Variants in POLR3E observed in about 807,000 individuals in gnomAD.
The protein encoded by POLR3E is RNA polymerase III subunit E, also known as DNA-directed RNA polymerase III subunit RPC5.
Under a neutral mutation model 96.6 loss-of-function variants are expected in POLR3E, and 41 were observed. The ratio of observed to expected loss-of-function variants is 0.42; its 90% confidence interval spans 0.33 to 0.55. The LOEUF is 0.55. Ranked by LOEUF, POLR3E falls within the 20% of genes least tolerant of loss-of-function variation. The pLI, the probability that POLR3E is intolerant of heterozygous loss-of-function variation, is 0.06. For synonymous variants in POLR3E, 396 were observed against 383.6 expected, an observed-to-expected ratio of 1.03 and a Z score of -0.38; for missense variants, 849 against 952.1, an observed-to-expected ratio of 0.89 and a Z score of 1.43.
Position 22,309,466 on chromosome 16 carries a change from C to T in POLR3E, c.320C>T (p.Thr107Ile), listed in dbSNP as rs2048200160. 1 of 1,613,944 alleles carries T rather than the reference C, an allele frequency of 6.2e-7. No individual in the cohort carries two copies. Among genetic ancestry groups the T allele is most frequent in the Non-Finnish European group, 8.5e-7 (1 of 1,179,934 alleles). The change falls in exon 6 of 21, where the codon ACC becomes ATC. Residue 107 changes from threonine to isoleucine, a missense_variant. Coordinates refer to ENST00000299853, the MANE Select transcript of POLR3E (RefSeq NM_018119.4). ...AAGCAGACCTTCTGCTCTTCCCAGA[C>T]CACCAGTAACACATCCCGTTATGCC... is the stretch of plus-strand genomic sequence containing the variant. ...MDKQTFCSSQ[T>I]TSNTSRYAAA...
intron 5 of POLR3E, 74 bp downstream of exon 5, chr16:22,309,114 T>G: frequency 9.6e-7 from 1 of 1,038,834 alleles, no homozygotes; most frequent in South Asian, 1.4e-5. Flanking sequence ...TTAAAGACAT[T>G]GACCCCCTTT....
intron 1 of POLR3E, among the ~76,000 whole-genome samples, chr16:22,301,703 A>G (rs2048026955): frequency 6.6e-6 from 1 of 152,194 alleles, no homozygotes; most frequent in Admixed American, 6.5e-5. Flanking sequence ...AGGCGGGCAG[A>G]TCACCTGAGG....
chr16:22,324,470 G>A (rs1342621127), intron 15 of POLR3E, 33 bp from the exon 16 acceptor site: 1 of 1,610,388 alleles, frequency 6.2e-7, no homozygotes, highest in Non-Finnish European at 8.5e-7. Flanking sequence ...GAGGGGGCTG[G>A]CTGTGCCTCA....
intron 19 of POLR3E, 180 bp from the exon 20 acceptor site, chr16:22,331,880 G>A (rs777180655): frequency 2.0e-4 from 117 of 579,794 alleles, no homozygotes; most frequent in Non-Finnish European, 2.3e-4. Context: ...TTTTATTTCT[G>A]TACACTGTCT....
Position 22,325,221 on chromosome 16 carries a change from A to G in POLR3E, c.1303A>G (p.Asn435Asp). The G allele has an allele frequency of 6.2e-7, 1 of 1,613,414 alleles. No individual in the cohort carries two copies. The highest frequency in any genetic ancestry group is 8.5e-7 in the Non-Finnish European group (1 of 1,179,418). ...GIQAKLEKVY[N>D]LVKETMPKKP... ...TCTTTTCAGACTGGAAAAAGTCTAT[A>G]ATCTTGTAAAGGAAACCATGCCAAA... The change falls in exon 17 of 21, where the codon AAT becomes GAT. Residue 435 changes from asparagine (N) to aspartate (D), a missense_variant. Asn to Asp is a conservative substitution (Grantham distance 23). Transcript: ENST00000299853.
chr16:22,298,220 C>T (rs2047936810), intron 1 of POLR3E, among the ~76,000 whole-genome samples: 1 of 152,180 alleles, frequency 6.6e-6, no homozygotes, highest in East Asian at 1.9e-4. Context: ...AAGAAGAGAT[C>T]TTAGCGATCT....
At chr16:22,316,898 T>G (rs2048366888) in intron 10 of POLR3E, 97 bp from the exon 11 acceptor site, 8 of 1,338,702 alleles carry the variant, frequency 6.0e-6, no homozygotes, top group Non-Finnish European at 8.6e-6. Context: ...GGGGGTGGGC[T>G]GTCTGCACCC....
chr16:22,301,159 G>C (rs906328264), intron 1 of POLR3E, among the ~76,000 whole-genome samples: 2 of 143,116 alleles, frequency 1.4e-5, no homozygotes, highest in African/African-American at 2.5e-5. Context: ...AGGTTATCGG[G>C]GGGGTAGAGC....
chr16:22,308,959 C>T lies in POLR3E; in HGVS notation c.200C>T (p.Pro67Leu). The change falls in exon 5 of 21, where the codon CCC becomes CTC. Residue 67 changes from proline to leucine, a missense_variant. Pro to Leu is a moderately conservative substitution (Grantham distance 98, BLOSUM62 -3). Transcript: ENST00000299853. ...GAGATGGCCATCGACACCCTGAACC[C>T]CAACTATTGCCGCAGCAAAGGGGAG... ...ELEMAIDTLN[P>L]NYCRSKGEQI... The T allele has an allele frequency of 6.2e-7, 1 of 1,614,068 alleles. No individual in the cohort carries two copies. Among genetic ancestry groups the T allele is most frequent in the Admixed American group, 1.7e-5 (1 of 60,012 alleles).
At chr16:22,311,445 C>T (rs980587606) in intron 6 of POLR3E, among the ~76,000 whole-genome samples, 4 of 151,468 alleles carry the variant, frequency 2.6e-5, no homozygotes, top group African/African-American at 4.9e-5. Flanking sequence ...TTTTACTGTA[C>T]CTTTTTTATG....
intron 1 of POLR3E, among the ~76,000 whole-genome samples, chr16:22,301,945 A>G (rs1330882056): frequency 1.3e-5 from 2 of 151,576 alleles, no homozygotes; most frequent in Non-Finnish European, 2.9e-5. Context: ...AAAAAAATTC[A>G]TGCTAGTCTC....
At chr16:22,298,373 A>G (rs2047940492) in intron 1 of POLR3E, among the ~76,000 whole-genome samples, 1 of 152,218 alleles carries the variant, frequency 6.6e-6, no homozygotes, top group African/African-American at 2.4e-5. Context: ...TTACGTTGGC[A>G]GAAAACATGT....
In POLR3E at chr16:22,328,560, C is replaced by T. The variant is rs1446815778; in HGVS notation, c.1917C>T (p.Leu639=). The change falls in exon 19 of 21, where the codon CTC becomes CTT. Residue 639 remains leucine, a synonymous_variant. Transcript: ENST00000299853. ...CGGATGAGCAGAAGGTGTTTGCCCT[C>T]TGGGAGTCTGGAGACATGAGTGATC... ...ASPDEQKVFA[L]WESGDMSDQH... is the part of the protein sequence containing the mutation. 2 of 1,613,964 alleles carry T rather than the reference C, an allele frequency of 1.2e-6. No homozygotes were observed. The highest frequency in any genetic ancestry group is 2.7e-5 in the African/African-American group (2 of 74,916).
intron 18 of POLR3E, chr16:22,327,324 G>A (rs1349613081): frequency 6.6e-6 from 1 of 152,326 alleles, no homozygotes; most frequent in African/African-American, 2.4e-5. Context: ...CCTGTGGGAG[G>A]TACTGGCAGA....
chr16:22,319,653 C>T (rs559432187), intron 13 of POLR3E, among the ~76,000 whole-genome samples: 2 of 152,306 alleles, frequency 1.3e-5, no homozygotes, highest in South Asian at 2.1e-4. Flanking sequence ...CCCGCCTCGG[C>T]TTCCCAAAGT....
At chr16:22,305,414 T>A in intron 3 of POLR3E, 1 of 697,080 alleles carries the variant, frequency 1.4e-6, no homozygotes, top group South Asian at 1.5e-5. Context: ...GAGGCAGAAG[T>A]GTGCAGCAGT....
chr16:22,316,005 G>A lies in POLR3E; in HGVS notation c.643-596G>A, dbSNP rs115943184. On this transcript the variant is annotated intron_variant, in intron 9 of 20. Coordinates refer to ENST00000299853, the MANE Select transcript of POLR3E (RefSeq NM_018119.4). ...ATTTTAGAACCTAACCCTTGAAACT[G>A]TGTACTGAGTGAGGGATGCTTCCAA... 4.7e-3 allele frequency among the ~76,000 whole-genome samples: 711 copies of A among 152,260 alleles called. 6 individuals carry two copies. The highest frequency in any genetic ancestry group is 0.016 in the African/African-American group (683 of 41,552).
chr16:22,322,861 A>T lies in POLR3E; in HGVS notation c.998A>T (p.Tyr333Phe), dbSNP rs2048497927. The change falls in exon 14 of 21, where the codon TAC becomes TTC. Residue 333 changes from tyrosine (Y) to phenylalanine (F), a missense_variant. Tyr to Phe is a conservative substitution (Grantham distance 22). Transcript: ENST00000299853. The surrounding 1 kb of genome is among the most constrained non-coding windows in gnomAD (Gnocchi z 5.2). The stretch of plus-strand genomic sequence containing the variant: ...ACCTGCATTGGCAGTGACATCCTAT[A>T]CCCCAAGGACTCGTCCAGCCCTCAC... ...GNWVVKSDIL[Y>F]PKDSSSPHSG... is the part of the protein sequence containing the mutation. The T allele has an allele frequency of 5.6e-6, 9 of 1,612,408 alleles. No individual in the cohort carries two copies. The highest frequency in any genetic ancestry group is 6.8e-6 in the Non-Finnish European group (8 of 1,179,206).
At chr16:22,309,260 G>A in intron 5 of POLR3E, 168 bp from the exon 6 acceptor site, 6 of 713,836 alleles carry the variant, frequency 8.4e-6, no homozygotes, top group Non-Finnish European at 1.3e-5. Flanking sequence ...AAGGCCATGG[G>A]TTTTCTCATC....
Sources: gnomAD v4.1 joint callset for allele counts (sites outside exome capture counted in the v4.1 genomes callset) on GRCh38, gnomAD v4.1.1 for gene constraint, Gnocchi (gnomAD v3.1) non-coding constraint, MANE v1.5 for transcripts, NCBI Gene and HGNC (gene_info 2026-07-23, HGNC 2026-07-21) for gene names.